The following TRIM14 variants were observed in gnomAD, a reference collection of about 807,000 sequenced individuals.
The protein encoded by TRIM14 is tripartite motif containing 14, also known as tripartite motif-containing protein 14.
In TRIM14, 28 loss-of-function variants were observed where a neutral mutation model predicts 44.5. The ratio of observed to expected loss-of-function variants is 0.63; its 90% CI spans 0.47 to 0.86. The LOEUF is 0.86. Among genes scored for constraint, TRIM14 ranks in the 40% least tolerant of loss-of-function variants. TRIM14 has a pLI of 0.00. For missense variants in TRIM14, 607 were observed against 611.1 expected (o/e 0.99, Z 0.07); for synonymous variants, 299 against 269.2 (o/e 1.11, Z -1.08).
chr9:98,082,371 G>C (rs1382027816), downstream of TRIM14, among the ~76,000 whole-genome samples: 2 of 152,142 alleles, frequency 1.3e-5, no homozygotes, highest in Non-Finnish European at 2.9e-5. Context: ...CCCTGGCCAA[G>C]TCACCCACCC....
rs190803241 is a variant in TRIM14, at chr9:98,110,116, C to T, written c.208-132G>A. The T allele has an allele frequency of 3.0e-4, 208 of 685,872 alleles. 1 individual carries two copies. The highest frequency in any genetic ancestry group is 4.6e-4 in the Non-Finnish European group (180 of 391,034). 42.5% of individuals were successfully genotyped at this position (685,872 alleles called of 1,614,324 possible). The stretch of plus-strand genomic sequence containing the variant: ...GGCATCTGAAGGTGAGGTAACTTGC[C>T]CAAAGTCATATGGCAAGTTGGTGGA... On this transcript the variant is annotated intron_variant, in intron 1 of 5. Transcript: ENST00000341469.
Position 98,087,329 on chromosome 9 carries a change from C to T in TRIM14, c.*141G>A. On this transcript the variant is annotated 3_prime_UTR_variant, in exon 6 of 6. Transcript: ENST00000341469. ...GAGGAAACCTTCAAAGCACTGTAGG[C>T]GTGATTGGTCGGGGAAAGCTGGGGC... 3 of 1,276,344 alleles carry T rather than the reference C, an allele frequency of 2.4e-6. No individual in the cohort carries two copies. Among genetic ancestry groups the T allele is most frequent in the Non-Finnish European group, 3.4e-6 (3 of 872,484 alleles). 79.1% of individuals were successfully genotyped at this position (1,276,344 alleles called of 1,614,324 possible).
chr9:98,054,844 T>G, the TRIM14 span, among the ~76,000 whole-genome samples: 6 of 152,158 alleles, frequency 3.9e-5, no homozygotes, highest in Non-Finnish European at 8.8e-5. Flanking sequence ...AGCCCCCAAA[T>G]TTTTAACTGC....
At chr9:98,051,208 C>T in the TRIM14 span, among the ~76,000 whole-genome samples, 9 of 152,314 alleles carry the variant, frequency 5.9e-5, no homozygotes, top group African/African-American at 1.7e-4. Flanking sequence ...TTATGACTAT[C>T]GCGAGGATAA....
Position 98,085,015 on chromosome 9 carries a change from G to C in TRIM14, c.*2455C>G, listed in dbSNP as rs10984977. The C allele has an allele frequency of 6.6e-6, 1 of 152,058 alleles. No individual in the cohort carries two copies. The highest frequency in any genetic ancestry group is 1.9e-4 in the East Asian group (1 of 5,176). The allele number at this position is 152,058 out of a possible 1,614,324, so 9.4% of individuals were successfully genotyped here. A position where few individuals can be genotyped will look rare whatever the true frequency, so the allele number is the denominator to read the frequency against. ...GAAACTGCCGCTTTCTGGCTATCAC[G>C]GGCCTTGACACAGCTAGTTTGTGAC... is the stretch of plus-strand genomic sequence containing the variant. On this transcript the variant is annotated 3_prime_UTR_variant, in exon 6 of 6. Transcript: ENST00000341469.
downstream of TRIM14, among the ~76,000 whole-genome samples, chr9:98,079,663 C>T (rs562611498): frequency 3.3e-5 from 5 of 152,270 alleles, no homozygotes; most frequent in African/African-American, 7.2e-5. Context: ...ACAGAGATTC[C>T]GATAATTAAC....
downstream of TRIM14, among the ~76,000 whole-genome samples, chr9:98,079,596 AAT>A (rs1338541172): frequency 4.6e-5 from 7 of 152,220 alleles, no homozygotes; most frequent in African/African-American, 1.7e-4. Context: ...AAAATTTAAA[AAT>A]GATTTCTGTG....
intron 6 of TRIM14, chr9:98,075,251 A>C (rs1829530174): frequency 6.6e-6 from 1 of 151,960 alleles, no homozygotes; most frequent in Non-Finnish European, 1.5e-5. Flanking sequence ...GGAGTTTGAG[A>C]CCAGTCTGGG....
At chr9:98,099,238 A>C (rs1235010276) in intron 3 of TRIM14, among the ~76,000 whole-genome samples, 1 of 151,832 alleles carries the variant, frequency 6.6e-6, no homozygotes, top group Non-Finnish European at 1.5e-5. Flanking sequence ...GGATCACCTG[A>C]GGTCAGGAGT....
the TRIM14 span, among the ~76,000 whole-genome samples, chr9:98,045,069 C>T: frequency 6.6e-6 from 1 of 152,060 alleles, no homozygotes; most frequent in African/African-American, 2.4e-5. Context: ...GCCAAGATTG[C>T]ACCACTGCAC....
the TRIM14 span, among the ~76,000 whole-genome samples, chr9:98,054,424 A>T: frequency 2.6e-5 from 4 of 152,214 alleles, no homozygotes; most frequent in Admixed American, 6.5e-5. Context: ...TAGGGAGAGT[A>T]AACCGAGACC....
intron 5 of TRIM14, among the ~76,000 whole-genome samples, chr9:98,089,875 C>G (rs147928748): frequency 6.6e-6 from 1 of 152,212 alleles, no homozygotes; most frequent in African/African-American, 2.4e-5. Context: ...CAGGAGGAGC[C>G]TGTACCTCTT....
downstream of TRIM14, among the ~76,000 whole-genome samples, chr9:98,067,722 T>G (rs953736295): frequency 3.3e-5 from 5 of 152,102 alleles, no homozygotes; most frequent in Non-Finnish European, 7.4e-5. Context: ...TCTTTTTCAC[T>G]TTCTTTTTTT....
the TRIM14 span, among the ~76,000 whole-genome samples, chr9:98,039,399 G>T: frequency 5.3e-5 from 8 of 152,142 alleles, no homozygotes; most frequent in East Asian, 1.5e-3. Flanking sequence ...TCATTCCTGG[G>T]CGTAGGCTGA....
At chr9:98,038,922 T>C in the TRIM14 span, among the ~76,000 whole-genome samples, 10 of 151,668 alleles carry the variant, frequency 6.6e-5, no homozygotes, top group Non-Finnish European at 1.2e-4. Context: ...TGGTAGCAGG[T>C]GCCTGTAGTC....
the TRIM14 span, among the ~76,000 whole-genome samples, chr9:98,060,610 T>C: frequency 1.3e-5 from 2 of 151,326 alleles, no homozygotes; most frequent in Admixed American, 6.6e-5. Context: ...GCATTGGTTG[T>C]AGTGAGCCGA....
the TRIM14 span, among the ~76,000 whole-genome samples, chr9:98,035,993 GA>G: frequency 6.6e-6 from 1 of 151,416 alleles, no homozygotes; most frequent in African/African-American, 2.4e-5. Flanking sequence ...GGTGGATTAC[GA>G]GGTCAGGAAT....
At position 98,096,583 on chromosome 9, in the gene TRIM14, T is replaced by TTC. The variant is rs556612184; in HGVS notation, c.538-1555_538-1554insGA. Among the ~76,000 whole-genome samples the TTC allele has an allele frequency of 1.5e-3, 221 of 152,282 alleles. 2 individuals carry two copies. Among genetic ancestry groups the TTC allele is most frequent in the Middle Eastern group, 0.01 (3 of 294 alleles). ...ACCGAGCACAGCCACTTTTTTGCCT[T>TTC]TGCAGACTCAGAGAACAGAAATCCC... On this transcript the variant is annotated intron_variant, in intron 3 of 5. Coordinates refer to ENST00000341469, the MANE Select transcript of TRIM14 (RefSeq NM_014788.4).
chr9:98,109,260 CAG>C (rs1826747452), intron 2 of TRIM14, among the ~76,000 whole-genome samples: 1 of 149,516 alleles, frequency 6.7e-6, no homozygotes, highest in Non-Finnish European at 1.5e-5. Context: ...GAGGGAGCAA[CAG>C]AGGATGAAAG....
Sources: gnomAD v4.1 joint callset for allele counts (sites outside exome capture counted in the v4.1 genomes callset) on GRCh38, gnomAD v4.1.1 for gene constraint, MANE v1.5 for transcripts, NCBI Gene and HGNC (gene_info 2026-07-23, HGNC 2026-07-21) for gene names.